Variants in INTS9 observed in about 807,000 individuals in gnomAD.
INTS9 encodes integrator complex subunit 9.
A neutral mutation model predicts 79.7 loss-of-function variants in INTS9; 55 were observed. The ratio of observed to expected loss-of-function variants is 0.69; its 90% confidence interval spans 0.56 to 0.86. INTS9 has a LOEUF of 0.86. Ranked by LOEUF, INTS9 falls within the 40% of genes least tolerant of loss-of-function variation. The pLI, the probability that INTS9 is intolerant of heterozygous loss-of-function variation, is 0.00. For synonymous variants in INTS9, 319 were observed against 325.2 expected (o/e 0.98, Z 0.20); for missense variants, 721 against 831.5 (o/e 0.87, Z 1.64).
chr8:28,771,329 C>T (rs908200020), intron 14 of INTS9, among the ~76,000 whole-genome samples: 1 of 152,052 alleles, frequency 6.6e-6, no homozygotes, highest in Non-Finnish European at 1.5e-5. Context: ...AGGACGGGGA[C>T]AGCAGCATGG....
intron 1 of INTS9, among the ~76,000 whole-genome samples, chr8:28,888,892 A>G (rs1810360624): frequency 6.6e-6 from 1 of 152,176 alleles, no homozygotes; most frequent in Non-Finnish European, 1.5e-5. Flanking sequence ...ATAATTATAT[A>G]AATGGTAAAA....
At chr8:28,839,550 G>C (rs937935466) in intron 4 of INTS9, among the ~76,000 whole-genome samples, 7 of 152,112 alleles carry the variant, frequency 4.6e-5, no homozygotes, top group African/African-American at 1.7e-4. Context: ...ATCCTACAAG[G>C]CTATAGTAAC....
chr8:28,822,601 G>A (rs949366480), intron 6 of INTS9, among the ~76,000 whole-genome samples: 2 of 151,908 alleles, frequency 1.3e-5, no homozygotes, highest in Admixed American at 6.6e-5. Flanking sequence ...TGAATGAAAC[G>A]GCTTCAGTAA....
intron 8 of INTS9, among the ~76,000 whole-genome samples, chr8:28,800,883 G>A (rs1455712951): frequency 1.3e-5 from 2 of 152,200 alleles, no homozygotes; most frequent in East Asian, 3.8e-4. Context: ...ATATTCTGCA[G>A]AGAGAAGCTG....
chr8:28,836,058 C>A (rs1010223977), intron 5 of INTS9, among the ~76,000 whole-genome samples: 1 of 152,164 alleles, frequency 6.6e-6, no homozygotes, highest in Non-Finnish European at 1.5e-5. Context: ...GATCCACCCG[C>A]CTCGGCCTCC....
At chr8:28,840,602 C>G (rs1287524055) in intron 4 of INTS9, among the ~76,000 whole-genome samples, 1 of 139,716 alleles carries the variant, frequency 7.2e-6, no homozygotes, top group Non-Finnish European at 1.5e-5. Flanking sequence ...CCATGGAATA[C>G]TATGCAGCCA....
chr8:28,827,310 T>C (rs901023072), intron 6 of INTS9, among the ~76,000 whole-genome samples: 1 of 152,236 alleles, frequency 6.6e-6, no homozygotes, highest in Non-Finnish European at 1.5e-5. Context: ...GCCAAAGCTC[T>C]GCGGCCTCTT....
At chr8:28,839,038 C>T (rs955834213) in intron 4 of INTS9, among the ~76,000 whole-genome samples, 1 of 152,088 alleles carries the variant, frequency 6.6e-6, no homozygotes, top group Non-Finnish European at 1.5e-5. Flanking sequence ...GGCCCTCCAC[C>T]GTGGAGGAGC....
chr8:28,777,738 C>T (rs1394149880), intron 13 of INTS9, 91 bp downstream of exon 13: 4 of 1,413,444 alleles, frequency 2.8e-6, no homozygotes, highest in Middle Eastern at 2.4e-4. Context: ...GAATCAAACA[C>T]AGCTAGATCT....
chr8:28,863,926 T>G (rs1431228893), intron 1 of INTS9, among the ~76,000 whole-genome samples: 2 of 152,242 alleles, frequency 1.3e-5, no homozygotes, highest in Non-Finnish European at 1.5e-5. Context: ...TTTCATAGAA[T>G]AAGTGGAAAA....
At chr8:28,879,213 C>T (rs1809562872) in intron 1 of INTS9, among the ~76,000 whole-genome samples, 2 of 152,068 alleles carry the variant, frequency 1.3e-5, no homozygotes, top group Admixed American at 1.3e-4. Context: ...GCAACATATA[C>T]AAAAGATTAA....
At chr8:28,873,163 T>C (rs1441141566) in intron 1 of INTS9, among the ~76,000 whole-genome samples, 2 of 152,230 alleles carry the variant, frequency 1.3e-5, no homozygotes, top group Non-Finnish European at 2.9e-5. Flanking sequence ...TTTAGTCAGA[T>C]TGATTTCTTT....
At chr8:28,881,746 G>T (rs1809835653) in intron 1 of INTS9, among the ~76,000 whole-genome samples, 2 of 147,726 alleles carry the variant, frequency 1.4e-5, no homozygotes, top group African/African-American at 5.0e-5. Context: ...CCGTCCGGGA[G>T]GTGAGGGGCG....
chr8:28,870,349 CTTTTTT>C (rs10580665), intron 1 of INTS9, among the ~76,000 whole-genome samples: 3 of 80,576 alleles, frequency 3.7e-5, no homozygotes, highest in African/African-American at 9.6e-5. Context: ...CAGAAAAAAG[CTTTTTT>C]TTTTTTTTTT....
chr8:28,855,108 C>T (rs1285262723), intron 2 of INTS9, among the ~76,000 whole-genome samples: 14 of 152,198 alleles, frequency 9.2e-5, no homozygotes, highest in Admixed American at 6.5e-4. Context: ...AGTCCCCATC[C>T]AGCTAGTCCC....
Position 28,833,672 on chromosome 8 carries a change from GAAAAAGAAAAAA to G in INTS9, c.488+1608_488+1619del, listed in dbSNP as rs1324622316. ...AACCAAAAAAAAAACAAAAGAAAAA[GAAAAAGAAAAAA>G]AAAAAGAAATCAAAAGACTAGTTTT... On this transcript the variant is annotated intron_variant, in intron 6 of 16. Transcript: ENST00000521022. Among the ~76,000 whole-genome samples, 7 of 145,496 alleles carry G rather than the reference GAAAAAGAAAAAA, an allele frequency of 4.8e-5. No individual in the cohort carries two copies. The East Asian group carries it at 1.4e-3, about 29-fold the overall frequency.
intron 7 of INTS9, 143 bp from the exon 8 acceptor site, chr8:28,812,604 C>G: frequency 1.1e-6 from 1 of 898,374 alleles, no homozygotes. Context: ...GGTGCAATGG[C>G]TCACGCCTGT....
chr8:28,836,159 A>C (rs908947006), intron 5 of INTS9, among the ~76,000 whole-genome samples: 1 of 152,254 alleles, frequency 6.6e-6, no homozygotes, highest in Non-Finnish European at 1.5e-5. Context: ...GATATGTTTT[A>C]GGAATTAGCA....
At chr8:28,877,221 A>G (rs551200292) in intron 1 of INTS9, among the ~76,000 whole-genome samples, 2 of 152,282 alleles carry the variant, frequency 1.3e-5, no homozygotes, top group African/African-American at 4.8e-5. Flanking sequence ...CTCCAGAACT[A>G]CATAGGGTAA....
Sources: gnomAD v4.1 joint callset for allele counts (sites outside exome capture counted in the v4.1 genomes callset) on GRCh38, gnomAD v4.1.1 for gene constraint, MANE v1.5 for transcripts, NCBI Gene and HGNC (gene_info 2026-07-23, HGNC 2026-07-21) for gene names.